The following CLSTN2 variants were observed in gnomAD, a reference collection of about 807,000 sequenced individuals.
CLSTN2 encodes the protein calsyntenin 2.
A neutral mutation model predicts 101.2 loss-of-function variants in CLSTN2; 48 were observed. The observed-to-expected ratio is 0.47, with a 90% CI of 0.38 to 0.60. CLSTN2 has a LOEUF of 0.60. CLSTN2 is among the 20% of genes least tolerant of loss of function. CLSTN2 has a pLI of 0.00. For missense variants in CLSTN2, 1,160 were observed against 1,238.2 expected (o/e 0.94, Z 0.95); for synonymous variants, 481 against 463.6 (o/e 1.04, Z -0.48).
chr3:140,243,481 T>C (rs2086488802), intron 2 of CLSTN2, among the ~76,000 whole-genome samples: 1 of 152,148 alleles, frequency 6.6e-6, no homozygotes, highest in African/African-American at 2.4e-5. Flanking sequence ...TGGGGGAACA[T>C]GGGAAAGAAG....
At chr3:140,381,546 G>T (rs781162576) in intron 2 of CLSTN2, among the ~76,000 whole-genome samples, 3 of 152,202 alleles carry the variant, frequency 2.0e-5, no homozygotes, top group Non-Finnish European at 2.9e-5. Flanking sequence ...ATTGTGTAAA[G>T]CTCATAGCAT....
At chr3:140,531,866 G>C (rs349535) in intron 8 of CLSTN2, among the ~76,000 whole-genome samples, 38,988 of 152,084 alleles carry the variant, frequency 0.26, 6,761 homozygotes, top group African/African-American at 0.48. Context: ...GATTAAACAA[G>C]TTGTGTGGGT....
chr3:140,508,393 T>C lies in CLSTN2; in HGVS notation c.1345-23931T>C, dbSNP rs1317810335. On this transcript the variant is annotated intron_variant, in intron 8 of 16. Transcript: ENST00000458420. ...GCTAGCTCTTAATGCAATCATTTGT[T>C]CATTCATTCAGTCAGTCAGTTGATC... The C allele has an allele frequency of 2.0e-5, 3 of 152,222 alleles. No homozygotes were observed. In the East Asian group the frequency reaches 5.8e-4, roughly 29 times the overall value. 9.4% of individuals were successfully genotyped at this position (152,222 alleles called of 1,614,324 possible).
chr3:140,264,934 A>C (rs2086682917), intron 2 of CLSTN2, among the ~76,000 whole-genome samples: 1 of 152,164 alleles, frequency 6.6e-6, no homozygotes, highest in African/African-American at 2.4e-5. Flanking sequence ...TGATGTGCAC[A>C]GGTCTCTGCC....
At position 140,563,258 on chromosome 3, in the gene CLSTN2, G is replaced by A. The variant is rs1935954813; in HGVS notation, c.2482+55G>A. The A allele has an allele frequency of 1.9e-6, 3 of 1,582,452 alleles. No individual in the cohort carries two copies. The South Asian group carries it at 3.4e-5, about 18-fold the overall frequency. ...GACACAGGTCGTCATTGTGACTCAAGATTATCTACTCAACAGACGGTTATG... is the reference window on the plus strand; with the variant it reads ...GACACAGGTCGTCATTGTGACTCAAAATTATCTACTCAACAGACGGTTATG... On this transcript the variant is annotated intron_variant, in intron 15 of 16. Coordinates refer to ENST00000458420, the MANE Select transcript of CLSTN2 (RefSeq NM_022131.3).
rs565126940 is a variant in CLSTN2 at position 140,026,498 on chromosome 3, G to T, written c.109+91015G>T. On this transcript the variant is annotated intron_variant, in intron 1 of 16. Transcript: ENST00000458420. ...TCACATAAAGTGCCATCTTTTCTCT[G>T]CTTCCTGTCTCTGTCATGAAATGCT... Among the ~76,000 whole-genome samples the T allele has an allele frequency of 2.1e-4, 32 of 152,290 alleles. No homozygotes were observed. In the South Asian group the frequency reaches 6.2e-3, roughly 30 times the overall value.
At chr3:140,279,736 A>G (rs997932926) in intron 2 of CLSTN2, among the ~76,000 whole-genome samples, 2 of 152,178 alleles carry the variant, frequency 1.3e-5, no homozygotes, top group Admixed American at 6.5e-5. Flanking sequence ...TTACTGCCAA[A>G]TGAAAAATAA....
chr3:140,052,249 C>T (rs1303798770), intron 1 of CLSTN2, among the ~76,000 whole-genome samples: 1 of 152,168 alleles, frequency 6.6e-6, no homozygotes, highest in African/African-American at 2.4e-5. Flanking sequence ...ACCTCCACCT[C>T]CTGGGTTCAA....
At chr3:140,286,037 C>T (rs951367653) in intron 2 of CLSTN2, among the ~76,000 whole-genome samples, 10 of 152,112 alleles carry the variant, frequency 6.6e-5, no homozygotes, top group South Asian at 2.1e-4. Context: ...GAAACTTTAG[C>T]GTTAGGCTCT....
chr3:140,346,601 C>A (rs2087548498), intron 2 of CLSTN2, among the ~76,000 whole-genome samples: 1 of 152,158 alleles, frequency 6.6e-6, no homozygotes, highest in Non-Finnish European at 1.5e-5. Flanking sequence ...GAACAAGAGT[C>A]AAATATACAG....
chr3:140,376,875 G>GTCTTAA, intron 2 of CLSTN2, among the ~76,000 whole-genome samples: 1 of 152,288 alleles, frequency 6.6e-6, no homozygotes, highest in East Asian at 1.9e-4. Flanking sequence ...AAGTGAGCAA[G>GTCTTAA]AGCCATGTCC....
chr3:140,572,198 G>A lies in CLSTN2; in HGVS notation c.*5945G>A, dbSNP rs1209003866. On this transcript the variant is annotated 3_prime_UTR_variant, in exon 17 of 17. Transcript: ENST00000458420. ...GACAGCTACCCACCCTAAGTCAGAT[G>A]ACAGGTGTAATTCTAGGGGCCCTGA... 1 of 152,244 alleles carries A rather than the reference G, an allele frequency of 6.6e-6. No homozygotes were observed. The highest frequency in any genetic ancestry group is 6.5e-5 in the Admixed American group (1 of 15,280). 9.4% of individuals were successfully genotyped at this position (152,244 alleles called of 1,614,324 possible).
chr3:139,979,211 C>G (rs973154260), intron 1 of CLSTN2, among the ~76,000 whole-genome samples: 1 of 152,126 alleles, frequency 6.6e-6, no homozygotes, highest in Admixed American at 6.5e-5. Context: ...GCCTCCGTGC[C>G]TTTCCACACT....
chr3:140,087,064 G>C (rs979937941), intron 1 of CLSTN2, among the ~76,000 whole-genome samples: 2 of 152,166 alleles, frequency 1.3e-5, no homozygotes, highest in Non-Finnish European at 2.9e-5. Flanking sequence ...CTAAAAGGTG[G>C]TTTGAAGACC....
At chr3:140,374,206 T>A (rs1363465817) in intron 2 of CLSTN2, among the ~76,000 whole-genome samples, 1 of 152,250 alleles carries the variant, frequency 6.6e-6, no homozygotes, top group African/African-American at 2.4e-5. Context: ...GATTTACTGT[T>A]TAATTCTGTG....
intron 1 of CLSTN2, among the ~76,000 whole-genome samples, chr3:140,056,155 G>A (rs767449246): frequency 3.9e-5 from 6 of 152,208 alleles, no homozygotes; most frequent in Non-Finnish European, 5.9e-5. Context: ...AGGCAGCAGA[G>A]TATGGAATGA....
intron 2 of CLSTN2, among the ~76,000 whole-genome samples, chr3:140,265,045 T>G (rs1037362503): frequency 1.3e-5 from 2 of 152,190 alleles, no homozygotes; most frequent in African/African-American, 2.4e-5. Context: ...TTATACACAT[T>G]TGTCCATTTA....
chr3:140,190,204 C>G (rs1400013788), intron 2 of CLSTN2, among the ~76,000 whole-genome samples: 1 of 152,148 alleles, frequency 6.6e-6, no homozygotes, highest in Non-Finnish European at 1.5e-5. Context: ...GGAGGACACA[C>G]ACATTCAGAA....
chr3:140,380,989 T>TGAA (rs1454517131), intron 2 of CLSTN2, among the ~76,000 whole-genome samples: 1 of 152,208 alleles, frequency 6.6e-6, no homozygotes, highest in African/African-American at 2.4e-5. Flanking sequence ...TACCAAACAC[T>TGAA]GGGTGGCTTA....
Sources: allele counts gnomAD v4.1 joint callset (sites outside exome capture counted in the v4.1 genomes callset), GRCh38; gene constraint gnomAD v4.1.1; transcripts MANE v1.5; gene names NCBI Gene and HGNC (gene_info 2026-07-23, HGNC 2026-07-21).